The following PTPN22 variants were observed in gnomAD, a reference collection of about 807,000 sequenced individuals.
PTPN22 encodes protein tyrosine phosphatase non-receptor type 22.
Under a neutral mutation model 103.3 loss-of-function variants are expected in PTPN22, and 85 were observed. The ratio of observed to expected loss-of-function variants is 0.82; its 90% CI spans 0.69 to 0.99. PTPN22 has a LOEUF of 0.99. PTPN22 is among the 50% of genes least tolerant of loss of function. The pLI is 0.00. For synonymous variants in PTPN22, 323 were observed against 310.2 expected, an observed-to-expected ratio of 1.04 and a Z score of -0.43; for missense variants, 865 against 936.9, an observed-to-expected ratio of 0.92 and a Z score of 1.00.
intron 10 of PTPN22, among the ~76,000 whole-genome samples, chr1:113,850,227 AG>A (rs1558043403): frequency 2.3e-3 from 329 of 142,724 alleles, no homozygotes; most frequent in African/African-American, 8.4e-3. Flanking sequence ...GAAGGAAGGA[AG>A]GAAGGAAGGA....
intron 11 of PTPN22, among the ~76,000 whole-genome samples, chr1:113,844,119 G>A (rs2102011617): frequency 6.6e-6 from 1 of 151,938 alleles, no homozygotes; most frequent in East Asian, 1.9e-4. Context: ...TTTTTAAAAA[G>A]GTTTGTCAAT....
At chr1:113,833,053 C>T (rs376492081) in intron 16 of PTPN22, 58 bp downstream of exon 16, 17 of 1,470,452 alleles carry the variant, frequency 1.2e-5, no homozygotes, top group East Asian at 1.1e-4. Flanking sequence ...CTAAACTTAA[C>T]GAACCATTCT....
intron 11 of PTPN22, among the ~76,000 whole-genome samples, chr1:113,843,990 G>A (rs1018615949): frequency 6.6e-6 from 1 of 152,138 alleles, no homozygotes; most frequent in Non-Finnish European, 1.5e-5. Context: ...TAGCACTTTG[G>A]GGGGCCAAGG....
chr1:113,834,859 G>A (rs1017234389), intron 14 of PTPN22, 51 bp downstream of exon 14: 1 of 1,359,798 alleles, frequency 7.4e-7, no homozygotes, highest in Admixed American at 2.3e-5. Flanking sequence ...AAAGGCATGA[G>A]CCACCATGCC....
chr1:113,822,723 A>T (rs142323359), intron 19 of PTPN22, among the ~76,000 whole-genome samples: 394 of 152,290 alleles, frequency 2.6e-3, no homozygotes, highest in African/African-American at 9.1e-3. Context: ...GCACTTTGGG[A>T]GGCCGAGGTG....
intron 1 of PTPN22, among the ~76,000 whole-genome samples, chr1:113,865,801 T>C (rs1251132020): frequency 6.6e-6 from 1 of 152,196 alleles, no homozygotes; most frequent in Non-Finnish European, 1.5e-5. Flanking sequence ...TGTTTAACAA[T>C]GGAGAAATAA....
At chr1:113,829,873 T>A in intron 17 of PTPN22, 76 bp downstream of exon 17, 1 of 1,373,544 alleles carries the variant, frequency 7.3e-7, no homozygotes, top group Non-Finnish European at 1.0e-6. Flanking sequence ...ACCTTTCCAT[T>A]TAGGTCCTAC....
At chr1:113,823,076 T>C (rs1394671339) in intron 19 of PTPN22, 1 of 152,238 alleles carries the variant, frequency 6.6e-6, no homozygotes, top group Non-Finnish European at 1.5e-5. Flanking sequence ...TAAGTATATA[T>C]TTGTGAATAT....
At chr1:113,835,164 T>C (rs1662871961) in intron 13 of PTPN22, among the ~76,000 whole-genome samples, 171 bp from the exon 14 acceptor site, 1 of 152,180 alleles carries the variant, frequency 6.6e-6, no homozygotes, top group South Asian at 2.1e-4. Context: ...GCAAAATAAA[T>C]TCTCTTAAGG....
intron 2 of PTPN22, 82 bp downstream of exon 2, chr1:113,859,270 A>G (rs974181198): frequency 6.5e-7 from 1 of 1,541,434 alleles, no homozygotes; most frequent in Admixed American, 1.8e-5. Flanking sequence ...CAAGATCAGG[A>G]TCAGTAAGCA....
chr1:113,870,238 C>T (rs938323748), intron 1 of PTPN22, among the ~76,000 whole-genome samples: 1 of 152,056 alleles, frequency 6.6e-6, no homozygotes. Flanking sequence ...TTATTATCCC[C>T]ATTTTATAAG....
chr1:113,832,978 A>G, intron 16 of PTPN22, 133 bp downstream of exon 16: 1 of 898,928 alleles, frequency 1.1e-6, no homozygotes, highest in Admixed American at 2.9e-5. Flanking sequence ...TGGGAAAGCC[A>G]GAAATAAATC....
At chr1:113,824,839 TAAAATAAATTTTA>T (rs1661905508) in intron 19 of PTPN22, among the ~76,000 whole-genome samples, 1 of 151,930 alleles carries the variant, frequency 6.6e-6, no homozygotes, top group African/African-American at 2.4e-5. Context: ...TCTCTGCTAT[TAAAATAAATTTTA>T]AAAATAAATT....
intron 19 of PTPN22, among the ~76,000 whole-genome samples, chr1:113,824,263 G>C (rs910098676): frequency 6.6e-6 from 1 of 151,970 alleles, no homozygotes; most frequent in African/African-American, 2.4e-5. Flanking sequence ...CACCACACCC[G>C]GCTAATTTTT....
At chr1:113,833,880 C>G (rs1662761218) in intron 15 of PTPN22, among the ~76,000 whole-genome samples, 1 of 152,150 alleles carries the variant, frequency 6.6e-6, no homozygotes, top group Admixed American at 6.5e-5. Context: ...TATAGCCTAC[C>G]AAATGACTAC....
chr1:113,856,781 G>A (rs2102109547), intron 5 of PTPN22, 162 bp from the exon 6 acceptor site: 1 of 800,210 alleles, frequency 1.2e-6, no homozygotes, highest in South Asian at 1.9e-5. Flanking sequence ...CCAAAGATGG[G>A]AAAACAAACA....
At chr1:113,842,109 T>A (rs1663604000) in intron 11 of PTPN22, among the ~76,000 whole-genome samples, 1 of 151,882 alleles carries the variant, frequency 6.6e-6, no homozygotes, top group Admixed American at 6.6e-5. Flanking sequence ...ACTCAGGAGC[T>A]GAGGTGGGAG....
chr1:113,862,347 G>A (rs1665688678), intron 1 of PTPN22, among the ~76,000 whole-genome samples: 1 of 151,986 alleles, frequency 6.6e-6, no homozygotes, highest in South Asian at 2.1e-4. Context: ...ATCCCTCGTG[G>A]GCCCTGAAAT....
At chr1:113,837,872 G>T (rs542764663) in exon 13 of PTPN22, 1 of 1,614,088 alleles carries the variant, frequency 6.2e-7, no homozygotes, top group East Asian at 2.2e-5. Context: ...GAGGCATTAC[G>T]TATTTGGTGT....
Sources: gnomAD v4.1 joint callset for allele counts (sites outside exome capture counted in the v4.1 genomes callset) on GRCh38, gnomAD v4.1.1 for gene constraint, MANE v1.5 for transcripts, NCBI Gene and HGNC (gene_info 2026-07-23, HGNC 2026-07-21) for gene names.